Variants in PLA2R1 observed in about 807,000 individuals in gnomAD.
The protein encoded by PLA2R1 is secretory phospholipase A2 receptor.
Under a neutral mutation model 195.9 loss-of-function variants are expected in PLA2R1, and 158 were observed. The observed-to-expected ratio is 0.81, with a 90% confidence interval of 0.71 to 0.92. PLA2R1 has a LOEUF of 0.92. Ranked by LOEUF, PLA2R1 falls within the 40% of genes least tolerant of loss-of-function variation. The pLI, the probability that PLA2R1 is intolerant of heterozygous loss-of-function variation, is 0.00. For synonymous variants in PLA2R1, 586 were observed against 598.2 expected, an observed-to-expected ratio of 0.98 and a Z score of 0.30; for missense variants, 1,626 against 1,764.6, an observed-to-expected ratio of 0.92 and a Z score of 1.41.
chr2:160,042,827 GTGTGTGTGTGTGTGTA>G lies in PLA2R1; in HGVS notation c.494-645_494-630del, dbSNP rs1432031353. 2.2e-3 allele frequency among the ~76,000 whole-genome samples: 232 copies of G among 106,618 alleles called. 3 individuals carry two copies. In the Middle Eastern group the frequency reaches 0.07, roughly 32 times the overall value. 69.9% of individuals were successfully genotyped at this position (106,618 alleles called of 152,430 possible). ...TGTGTGTGTGTGTGTGTGTGTGTGT[GTGTGTGTGTGTGTGTA>G]TGTGTGAGACAGAGGGAGAGAGAGA... On this transcript the variant is annotated intron_variant, in intron 2 of 29. Coordinates refer to ENST00000283243, the MANE Select transcript of PLA2R1 (RefSeq NM_007366.5).
chr2:160,013,127 ATAACT>A (rs996236212), intron 10 of PLA2R1, 131 bp downstream of exon 10: 66 of 419,534 alleles, frequency 1.6e-4, no homozygotes, highest in African/African-American at 1.1e-3. Flanking sequence ...ATCTCAATAA[ATAACT>A]TAAATAATTT....
At position 159,983,976 on chromosome 2, in the gene PLA2R1, A is replaced by T. The variant is rs774233383; in HGVS notation, c.2135T>A (p.Ile712Asn). ...FGAHLASFAH[I>N]EEENFVNELL... Reference sequence around the variant, plus strand: ...CTCATTCACAAAATTCTCTTCCTCAATATGGGCAAAGCTTGCAAGATGAGC... The same window carrying T: ...CTCATTCACAAAATTCTCTTCCTCATTATGGGCAAAGCTTGCAAGATGAGC... Residue 712 changes from isoleucine (I) to asparagine (N), a missense_variant, in exon 13 of 30, where the codon ATT becomes AAT. Transcript: ENST00000283243. The T allele has an allele frequency of 6.3e-7, 1 of 1,599,698 alleles. No homozygotes were observed. Among genetic ancestry groups the T allele is most frequent in the African/African-American group, 1.3e-5 (1 of 74,664 alleles).
At chr2:160,017,385 C>T (rs983991557) in intron 8 of PLA2R1, among the ~76,000 whole-genome samples, 3 of 152,162 alleles carry the variant, frequency 2.0e-5, no homozygotes, top group African/African-American at 7.2e-5. Flanking sequence ...TGAAGCCATC[C>T]TCCTGACCAA....
chr2:160,005,533 T>C, intron 11 of PLA2R1, 119 bp downstream of exon 11: 1 of 709,328 alleles, frequency 1.4e-6, no homozygotes, highest in Non-Finnish European at 2.4e-6. Flanking sequence ...TTGATCCTTG[T>C]AATTGATTTA....
In PLA2R1 at chr2:159,946,874, A is replaced by C; in HGVS notation, c.3894T>G (p.Phe1298Leu). 6.2e-7 allele frequency: 1 copy of C among 1,611,022 alleles called. No homozygotes were observed. Among genetic ancestry groups the C allele is most frequent in the Non-Finnish European group, 8.5e-7 (1 of 1,178,874 alleles). The change falls in exon 27 of 30, where the codon TTT (phenylalanine) becomes TTG (leucine). Residue 1298 changes from phenylalanine (F) to leucine (L), a missense_variant. Coordinates refer to ENST00000283243, the MANE Select transcript of PLA2R1 (RefSeq NM_007366.5). ...CAAAAGCAAACAGCTCTTCTAGGAG[A>C]AATGCATTTTCAGCCTCATCCTTGA... is the stretch of plus-strand genomic sequence containing the variant. ...LTIKDEAENA[F>L]LLEELFAFGS...
At chr2:160,042,308 TACTC>T in intron 2 of PLA2R1, 110 bp from the exon 3 acceptor site, 1 of 833,660 alleles carries the variant, frequency 1.2e-6, no homozygotes, top group Non-Finnish European at 1.9e-6. Flanking sequence ...TTGGGGCAGA[TACTC>T]ACTACAGCAG....
At position 160,016,629 on chromosome 2, in the gene PLA2R1, TTCA is replaced by T; in HGVS notation, c.1533_1535del (p.Glu512del). 6.3e-7 allele frequency: 1 copy of T among 1,592,596 alleles called. No homozygotes were observed. Among genetic ancestry groups the T allele is most frequent in the Non-Finnish European group, 8.6e-7 (1 of 1,160,410 alleles). ...CAGCACTTACCTCTTGACATCCTGA[TTCA>T]GCATCAGAGAGGACATGGCCTGCTT... On this transcript the variant is annotated inframe_deletion, in exon 9 of 30. Coordinates refer to ENST00000283243, the MANE Select transcript of PLA2R1 (RefSeq NM_007366.5).
At chr2:160,033,215 T>C in intron 3 of PLA2R1, 83 bp from the exon 4 acceptor site, 1 of 1,064,094 alleles carries the variant, frequency 9.4e-7, no homozygotes, top group Non-Finnish European at 1.3e-6. Context: ...TGAATGGAAT[T>C]ATTCCATCTT....
chr2:159,969,430 G>A, intron 18 of PLA2R1, 71 bp from the exon 19 acceptor site: 1 of 800,324 alleles, frequency 1.2e-6, no homozygotes, highest in Non-Finnish European at 2.2e-6. Flanking sequence ...CATTCTTAGA[G>A]TTCTGAGGTA....
intron 2 of PLA2R1, among the ~76,000 whole-genome samples, chr2:160,044,302 G>A (rs975565188): frequency 5.9e-5 from 9 of 152,152 alleles, no homozygotes; most frequent in Admixed American, 5.9e-4. Flanking sequence ...TTAATCACAT[G>A]AATGCCAGCC....
Position 160,022,749 on chromosome 2 carries a change from G to T in PLA2R1, c.1210C>A (p.Arg404Ser). 2 of 1,612,924 alleles carry T rather than the reference G, an allele frequency of 1.2e-6. No individual in the cohort carries two copies. The highest frequency in any genetic ancestry group is 1.7e-6 in the Non-Finnish European group (2 of 1,178,910). Reference sequence around the variant, plus strand: ...GCACTGTTATCAGCCTGACAAGAACGCAGAGCCTCATGCCAGGTCTTTTCT... The same window carrying T: ...GCACTGTTATCAGCCTGACAAGAACTCAGAGCCTCATGCCAGGTCTTTTCT... ...KEEKTWHEAL[R>S]SCQADNSALI... Residue 404 changes from arginine (R) to serine (S), a missense_variant, in exon 7 of 30, where the codon CGT becomes AGT. Transcript: ENST00000283243.
At chr2:159,925,222 T>C in the PLA2R1 span, among the ~76,000 whole-genome samples, 1 of 152,112 alleles carries the variant, frequency 6.6e-6, no homozygotes, top group Admixed American at 6.5e-5. Flanking sequence ...ATTAGGATCT[T>C]GCATGTCTTA....
At chr2:159,989,675 C>T (rs112539082) in intron 11 of PLA2R1, among the ~76,000 whole-genome samples, 3 of 152,204 alleles carry the variant, frequency 2.0e-5, no homozygotes, top group African/African-American at 7.2e-5. Flanking sequence ...AAATAATGAA[C>T]TGAAAAGCAC....
intron 19 of PLA2R1, among the ~76,000 whole-genome samples, chr2:159,968,012 A>G (rs551043512): frequency 2.6e-5 from 4 of 152,318 alleles, no homozygotes; most frequent in African/African-American, 9.6e-5. Context: ...ATTTCATTTT[A>G]AAATGTTCAA....
chr2:159,924,507 G>T, the PLA2R1 span, among the ~76,000 whole-genome samples: 1 of 152,114 alleles, frequency 6.6e-6, no homozygotes. Flanking sequence ...TGTCAGGAAA[G>T]GTGTTCAAAG....
At chr2:159,966,690 G>C (rs1270332709) in intron 20 of PLA2R1, among the ~76,000 whole-genome samples, 1 of 152,094 alleles carries the variant, frequency 6.6e-6, no homozygotes, top group Non-Finnish European at 1.5e-5. Context: ...CAATATAACT[G>C]AACACTTAGA....
intron 11 of PLA2R1, among the ~76,000 whole-genome samples, chr2:159,998,995 G>C (rs778860383): frequency 5.9e-5 from 9 of 152,044 alleles, no homozygotes; most frequent in Non-Finnish European, 1.0e-4. Context: ...TAAGAGGCAG[G>C]GCCTTCTGGG....
intron 28 of PLA2R1, among the ~76,000 whole-genome samples, chr2:159,942,824 A>G (rs1428515965): frequency 6.6e-6 from 1 of 152,202 alleles, no homozygotes; most frequent in African/African-American, 2.4e-5. Context: ...AAAGGTATAG[A>G]GAATGAACCA....
At chr2:159,989,513 C>T (rs530423502) in intron 11 of PLA2R1, among the ~76,000 whole-genome samples, 45 of 152,286 alleles carry the variant, frequency 3.0e-4, no homozygotes, top group Admixed American at 9.2e-4. Flanking sequence ...GAAAGAACTT[C>T]GGACTTGGAG....
Sources: gnomAD v4.1 joint callset for allele counts (sites outside exome capture counted in the v4.1 genomes callset) on GRCh38, gnomAD v4.1.1 for gene constraint, MANE v1.5 for transcripts, NCBI Gene and HGNC (gene_info 2026-07-23, HGNC 2026-07-21) for gene names.